MED12L: variants seen among roughly 807,000 people sequenced by gnomAD.
MED12L encodes mediator of RNA polymerase II transcription subunit 12-like protein.
In MED12L, 60 loss-of-function variants were observed where a neutral mutation model predicts 281.3. The observed-to-expected ratio is 0.21, with a 90% CI of 0.17 to 0.26. The LOEUF (loss-of-function observed/expected upper bound fraction) is 0.26, where lower values mean the gene tolerates loss of function less well. Ranked by LOEUF, MED12L falls within the 10% of genes least tolerant of loss-of-function variation. MED12L has a pLI of 1.00. For missense variants in MED12L, 2,146 were observed against 2,680.9 expected (o/e 0.80, Z 4.41); for synonymous variants, 974 against 987.2 (o/e 0.99, Z 0.25).
At chr3:151,338,481 C>G (rs778790805) in intron 16 of MED12L, 1 of 1,613,564 alleles carries the variant, frequency 6.2e-7, no homozygotes, top group Admixed American at 1.7e-5. Flanking sequence ...CTTCTGGTAG[C>G]GATCGATAGT....
At chr3:151,241,652 T>G (rs1734109727) in intron 16 of MED12L, 1 of 152,206 alleles carries the variant, frequency 6.6e-6, no homozygotes, top group African/African-American at 2.4e-5. Context: ...GGATATTTTA[T>G]ATATGTATAT....
At chr3:151,097,553 C>A (rs1000372012) in intron 2 of MED12L, among the ~76,000 whole-genome samples, 8 of 152,184 alleles carry the variant, frequency 5.3e-5, no homozygotes, top group Non-Finnish European at 8.8e-5. Context: ...TGAGAATCCA[C>A]AAATGCTAAG....
chr3:151,349,260 A>G (rs1015618823), intron 16 of MED12L, among the ~76,000 whole-genome samples: 1 of 152,040 alleles, frequency 6.6e-6, no homozygotes, highest in African/African-American at 2.4e-5. Flanking sequence ...GGGGAAAAAA[A>G]TGGTGCTTGG....
At position 151,106,252 on chromosome 3, in the gene MED12L, CT is replaced by C. The variant is rs1201145003; in HGVS notation, c.100-10082del. On this transcript the variant is annotated intron_variant, in intron 2 of 44. Coordinates refer to ENST00000687756, the MANE Select transcript of MED12L (RefSeq NM_001393769.1). The stretch of plus-strand genomic sequence containing the variant: ...TCCTTCCTTCCTTTCCTTTCCTTTC[CT>C]TTTCCTTTTCCCTTTCCCTTTCCCT... Among the ~76,000 whole-genome samples, 16 of 143,060 alleles carry C rather than the reference CT, an allele frequency of 1.1e-4. No individual in the cohort carries two copies. The East Asian group carries it at 1.6e-3, about 14-fold the overall frequency. The allele number at this position is 143,060 out of a possible 152,430, so 93.9% of individuals were successfully genotyped here.
rs535839455 is a variant in MED12L at position 151,243,495 on chromosome 3, A to T, written c.2250+49829A>T. Among the ~76,000 whole-genome samples, 3 of 152,348 alleles carry T rather than the reference A, an allele frequency of 2.0e-5. No homozygotes were observed. The South Asian group carries it at 6.2e-4, about 32-fold the overall frequency. On this transcript the variant is annotated intron_variant, in intron 16 of 44. Coordinates refer to ENST00000687756, the MANE Select transcript of MED12L (RefSeq NM_001393769.1). ...TTAAAGACAAGAATTTTCAACCTGG[A>T]ATTTCATATCCAGCGAAACTAAGCT...
At chr3:151,399,148 A>G (rs1484075075) in intron 39 of MED12L, among the ~76,000 whole-genome samples, 1 of 152,224 alleles carries the variant, frequency 6.6e-6, no homozygotes, top group Non-Finnish European at 1.5e-5. Context: ...AGTCCCATCT[A>G]TAAACTGGAG....
Position 151,390,073 on chromosome 3 carries a change from A to G in MED12L, c.5546A>G (p.Tyr1849Cys). The change falls in exon 38 of 45, where the codon TAC becomes TGC. Residue 1849 changes from tyrosine (Y) to cysteine (C), a missense_variant. Tyr to Cys is a radical substitution (Grantham distance 194, BLOSUM62 -2). Transcript: ENST00000687756. ...MHHPQSTLWGYNLVGQPQQPG... is the reference protein window; with the variant it reads ...MHHPQSTLWGCNLVGQPQQPG... The stretch of plus-strand genomic sequence containing the variant: ...CATCCACAGTCCACCTTGTGGGGTT[A>G]CAACCTCGTGGGCCAGCCCCAGCAG... 2 of 1,614,150 alleles carry G rather than the reference A, an allele frequency of 1.2e-6. No individual in the cohort carries two copies. The highest frequency in any genetic ancestry group is 1.7e-6 in the Non-Finnish European group (2 of 1,179,980).
At chr3:151,199,775 A>C (rs1341394615) in intron 16 of MED12L, among the ~76,000 whole-genome samples, 1 of 152,016 alleles carries the variant, frequency 6.6e-6, no homozygotes, top group South Asian at 2.1e-4. Context: ...TGAGAAGTAG[A>C]GAGAGGAAAC....
chr3:151,199,403 G>A (rs2149138954), intron 16 of MED12L: 1 of 1,574,524 alleles, frequency 6.4e-7, no homozygotes, highest in East Asian at 2.2e-5. Flanking sequence ...GGAAAGTAAG[G>A]ATGACTGCTT....
At chr3:151,246,130 C>G (rs1200610198) in intron 16 of MED12L, among the ~76,000 whole-genome samples, 1 of 152,018 alleles carries the variant, frequency 6.6e-6, no homozygotes, top group East Asian at 1.9e-4. Context: ...AGGATACAAA[C>G]AAATGGAAGA....
chr3:151,387,962 T>C lies in MED12L; in HGVS notation c.5241T>C (p.Tyr1747=), dbSNP rs751100925. 3 of 1,613,934 alleles carry C rather than the reference T, an allele frequency of 1.9e-6. No homozygotes were observed. The highest frequency in any genetic ancestry group is 1.1e-5 in the South Asian group (1 of 91,066). ...KYEEQHHLLL[Y]HTHPMPKPRS... ...AGGAGCAGCATCACCTCCTGCTGTA[T>C]CACACACACCCCATGCCCAAGCCCC... The change falls in exon 37 of 45, where the codon TAT becomes TAC. Residue 1747 remains tyrosine, a synonymous_variant. Coordinates refer to ENST00000687756, the MANE Select transcript of MED12L (RefSeq NM_001393769.1).
chr3:151,250,860 A>G (rs1014188878), intron 16 of MED12L, among the ~76,000 whole-genome samples: 2 of 152,214 alleles, frequency 1.3e-5, no homozygotes, highest in Admixed American at 1.3e-4. Context: ...TAGAGGCTGA[A>G]TGAACCATCT....
At chr3:151,178,645 C>G (rs1290172598) in intron 11 of MED12L, among the ~76,000 whole-genome samples, 2 of 152,158 alleles carry the variant, frequency 1.3e-5, no homozygotes, top group Admixed American at 1.3e-4. Context: ...TGACCTTGGA[C>G]AAGTTATTTG....
intron 16 of MED12L, among the ~76,000 whole-genome samples, chr3:151,301,796 T>C (rs1745961602): frequency 6.6e-6 from 1 of 152,220 alleles, no homozygotes; most frequent in Non-Finnish European, 1.5e-5. Context: ...TATACACTGA[T>C]GATAAGAATT....
intron 5 of MED12L, among the ~76,000 whole-genome samples, chr3:151,148,202 G>A (rs921525284): frequency 2.6e-5 from 4 of 151,830 alleles, no homozygotes; most frequent in Non-Finnish European, 4.4e-5. Flanking sequence ...TTTTTAACTG[G>A]GTTGTCTTTT....
intron 4 of MED12L, 84 bp downstream of exon 4, chr3:151,123,058 C>G: frequency 8.2e-7 from 1 of 1,223,382 alleles, no homozygotes. Context: ...TTTGTTTTTC[C>G]CAATTCTTTT....
chr3:151,226,896 G>A (rs529112675), intron 16 of MED12L, among the ~76,000 whole-genome samples: 2 of 152,170 alleles, frequency 1.3e-5, no homozygotes, highest in Non-Finnish European at 2.9e-5. Context: ...AACAGGTAAC[G>A]TTAACCTATA....
At chr3:151,105,994 G>A (rs756527541) in intron 2 of MED12L, among the ~76,000 whole-genome samples, 1 of 152,060 alleles carries the variant, frequency 6.6e-6, no homozygotes, top group Non-Finnish European at 1.5e-5. Context: ...ATCCTGTTGG[G>A]TTTCCCTCCT....
intron 16 of MED12L, 65 bp downstream of exon 16, chr3:151,193,731 C>A: frequency 1.5e-6 from 2 of 1,357,072 alleles, no homozygotes; most frequent in South Asian, 1.3e-5. Context: ...AACTGTTGAA[C>A]GTCAGATTAT....
Sources: allele counts gnomAD v4.1 joint callset (sites outside exome capture counted in the v4.1 genomes callset), GRCh38; gene constraint gnomAD v4.1.1; transcripts MANE v1.5; gene names NCBI Gene and HGNC (gene_info 2026-07-23, HGNC 2026-07-21).